Variants in ICA1 observed in about 807,000 individuals in gnomAD.
The protein encoded by ICA1 is 69 kDa islet cell autoantigen.
Under a neutral mutation model 71.0 loss-of-function variants are expected in ICA1, and 40 were observed. That is an observed-to-expected ratio of 0.56 (90% CI 0.44 to 0.73). The LOEUF (loss-of-function observed/expected upper bound fraction) is 0.73. ICA1 is among the 30% of genes least tolerant of loss of function. ICA1 has a pLI of 0.00. For synonymous variants in ICA1, 207 were observed against 209.5 expected (o/e 0.99, Z 0.10); for missense variants, 578 against 576.5 (o/e 1.00, Z -0.03).
intron 8 of ICA1, chr7:8,156,821 C>G: frequency 6.8e-7 from 1 of 1,477,602 alleles, no homozygotes; most frequent in Non-Finnish European, 8.9e-7. Context: ...AATCATTAGA[C>G]TCAAGTTCAC....
intron 4 of ICA1, among the ~76,000 whole-genome samples, 155 bp from the exon 5 acceptor site, chr7:8,221,553 C>A (rs1291044120): frequency 1.3e-5 from 2 of 152,108 alleles, no homozygotes; most frequent in African/African-American, 4.8e-5. Flanking sequence ...CTCCCCCTAC[C>A]CCCCATTTAA....
intron 6 of ICA1, among the ~76,000 whole-genome samples, chr7:8,192,139 T>C (rs1018931305): frequency 6.6e-6 from 1 of 152,226 alleles, no homozygotes; most frequent in African/African-American, 2.4e-5. Context: ...ATCAGGAAAT[T>C]AATATTGAAA....
At chr7:8,236,839 A>C (rs117632852) in intron 1 of ICA1, 1 of 152,582 alleles carries the variant, frequency 6.6e-6, no homozygotes, top group East Asian at 1.9e-4. Flanking sequence ...CAGAAAGCTC[A>C]CTACTCAAAG....
chr7:8,152,971 T>A (rs111980462), intron 8 of ICA1, among the ~76,000 whole-genome samples: 2 of 143,578 alleles, frequency 1.4e-5, no homozygotes, highest in African/African-American at 5.2e-5. Context: ...ATCTCCTCCA[T>A]CACCACTACC....
chr7:8,217,341 C>T (rs544524851), intron 6 of ICA1, among the ~76,000 whole-genome samples: 1 of 152,236 alleles, frequency 6.6e-6, no homozygotes, highest in African/African-American at 2.4e-5. Flanking sequence ...AATTGGTGAC[C>T]GTATTCTTAA....
At chr7:8,134,947 T>C (rs927998555) in intron 12 of ICA1, among the ~76,000 whole-genome samples, 23 of 152,108 alleles carry the variant, frequency 1.5e-4, no homozygotes, top group African/African-American at 4.6e-4. Context: ...ATTTCACCAG[T>C]AGATGTTAGA....
chr7:8,214,137 G>C (rs1183877804), intron 6 of ICA1, among the ~76,000 whole-genome samples: 1 of 152,144 alleles, frequency 6.6e-6, no homozygotes, highest in Non-Finnish European at 1.5e-5. Context: ...GAGGATTCAG[G>C]ACTATTTTCT....
intron 1 of ICA1, among the ~76,000 whole-genome samples, chr7:8,237,306 A>T (rs1174977827): frequency 6.6e-6 from 1 of 152,142 alleles, no homozygotes; most frequent in Non-Finnish European, 1.5e-5. Flanking sequence ...GTAAGTACAC[A>T]TTTACTTTAG....
At chr7:8,146,882 GCACACA>G (rs144575495) in intron 8 of ICA1, among the ~76,000 whole-genome samples, 270 of 139,430 alleles carry the variant, frequency 1.9e-3, no homozygotes, top group African/African-American at 6.1e-3. Flanking sequence ...ACACACACAC[GCACACA>G]CACACACACA....
chr7:8,262,207 G>A (rs948894979), upstream of ICA1: 2 of 152,120 alleles, frequency 1.3e-5, no homozygotes, highest in African/African-American at 4.8e-5. Context: ...GGGAGCGCAG[G>A]AACCGGCCCT....
chr7:8,120,201 C>T (rs1786350703), intron 13 of ICA1, among the ~76,000 whole-genome samples: 1 of 152,332 alleles, frequency 6.6e-6, no homozygotes, highest in African/African-American at 2.4e-5. Context: ...GCAGAAACAA[C>T]AGCCAGTTTG....
intron 1 of ICA1, among the ~76,000 whole-genome samples, chr7:8,255,542 C>T (rs1277425851): frequency 6.6e-6 from 1 of 152,144 alleles, no homozygotes; most frequent in Non-Finnish European, 1.5e-5. Context: ...CTTCAACTGC[C>T]AGCTGTATGC....
chr7:8,176,462 G>A (rs1780656560), intron 6 of ICA1, among the ~76,000 whole-genome samples: 1 of 152,144 alleles, frequency 6.6e-6, no homozygotes, highest in African/African-American at 2.4e-5. Flanking sequence ...AGACAAAACC[G>A]TGGTAAGTGC....
intron 4 of ICA1, among the ~76,000 whole-genome samples, chr7:8,225,652 A>G (rs1360832168): frequency 6.6e-6 from 1 of 152,152 alleles, no homozygotes; most frequent in Non-Finnish European, 1.5e-5. Context: ...ATGTACACTA[A>G]CCCATGCATA....
At chr7:8,244,760 A>G (rs1240291797) in intron 1 of ICA1, among the ~76,000 whole-genome samples, 2 of 152,248 alleles carry the variant, frequency 1.3e-5, no homozygotes, top group African/African-American at 4.8e-5. Context: ...ATATGAACAG[A>G]CACTTCACAA....
At chr7:8,183,939 A>G (rs888483380) in intron 6 of ICA1, among the ~76,000 whole-genome samples, 11 of 152,180 alleles carry the variant, frequency 7.2e-5, no homozygotes, top group African/African-American at 2.4e-4. Context: ...GTATTTGAAA[A>G]ACACCGCAAG....
rs1779602502 is a variant in ICA1, at chr7:8,173,787, T to G, written c.580-15135A>C. On this transcript the variant is annotated intron_variant, in intron 6 of 13. Coordinates refer to ENST00000402384, the MANE Select transcript of ICA1 (RefSeq NM_001136020.3). This position sits in a 1 kb window ranked among gnomAD's most constrained non-coding sequence, Gnocchi z 4.0. ...ACACCATTACTTACTTCTTAATTCC[T>G]TTCTTCCCTCTCTTCCTCCTCCCAA... Among the ~76,000 whole-genome samples the G allele has an allele frequency of 1.3e-5, 2 of 152,124 alleles. No individual in the cohort carries two copies. The highest frequency in any genetic ancestry group is 4.2e-4 in the South Asian group (2 of 4,802).
intron 12 of ICA1, among the ~76,000 whole-genome samples, chr7:8,136,207 G>A (rs1308546886): frequency 2.6e-5 from 4 of 152,104 alleles, no homozygotes; most frequent in Admixed American, 1.3e-4. Flanking sequence ...CGAGCGGTCT[G>A]CTTTTTGATA....
At chr7:8,165,508 T>C (rs767643801) in intron 6 of ICA1, among the ~76,000 whole-genome samples, 2 of 152,102 alleles carry the variant, frequency 1.3e-5, no homozygotes, top group Non-Finnish European at 2.9e-5. Context: ...AACATAATAT[T>C]GGAAGTCCTA....
Sources: allele counts gnomAD v4.1 joint callset (sites outside exome capture counted in the v4.1 genomes callset), GRCh38; gene constraint gnomAD v4.1.1; non-coding constraint Gnocchi (gnomAD v3.1); transcripts MANE v1.5; gene names NCBI Gene and HGNC (gene_info 2026-07-23, HGNC 2026-07-21).